SVEP1: variants seen among roughly 807,000 people sequenced by gnomAD.
SVEP1 encodes the protein sushi, von Willebrand factor type A, EGF and pentraxin domain containing 1.
In SVEP1, 164 loss-of-function variants were observed where a neutral mutation model predicts 367.3. That is an observed-to-expected ratio of 0.45 (90% CI 0.39 to 0.51). The LOEUF (loss-of-function observed/expected upper bound fraction) is 0.51, where lower values mean the gene tolerates loss of function less well. SVEP1 is among the 20% of genes least tolerant of loss of function. The pLI is 0.00. For synonymous variants in SVEP1, 1,666 were observed against 1,611.6 expected (o/e 1.03, Z -0.81); for missense variants, 4,117 against 4,425.3 (o/e 0.93, Z 1.98).
intron 4 of SVEP1, 59 bp from the exon 5 acceptor site, chr9:110,513,164 C>CT (rs371135144): frequency 0.07 from 73,610 of 1,044,730 alleles, no homozygotes; most frequent in South Asian, 0.085. Flanking sequence ...ATGACATATC[C>CT]TTTTTTTTTT....
intron 5 of SVEP1, 62 bp downstream of exon 5, chr9:110,512,864 G>A: frequency 6.3e-7 from 1 of 1,584,514 alleles, no homozygotes; most frequent in African/African-American, 1.3e-5. Context: ...GTTTACTAGA[G>A]TTTAAATCAA....
At position 110,579,692 on chromosome 9, in the gene SVEP1, GGACA is replaced by G; in HGVS notation, c.-153_-150del. ...TCAGCGCCCTTTCATCTGACACTGG[GGACA>G]GACACAATCCAGACTCCTCAGCAGC... On this transcript the variant is annotated 5_prime_UTR_variant, in exon 1 of 48. Coordinates refer to ENST00000374469, the MANE Select transcript of SVEP1 (RefSeq NM_153366.4). The surrounding 1 kb of genome is among the most constrained non-coding windows in gnomAD (Gnocchi z 5.3). 1.1e-6 allele frequency: 1 copy of G among 950,498 alleles called. No individual in the cohort carries two copies. Among genetic ancestry groups the G allele is most frequent in the Non-Finnish European group, 1.5e-6 (1 of 681,926 alleles). 58.9% of individuals were successfully genotyped at this position (950,498 alleles called of 1,614,324 possible).
At chr9:110,449,974 C>A in intron 24 of SVEP1, 85 bp downstream of exon 24, 1 of 1,466,678 alleles carries the variant, frequency 6.8e-7, no homozygotes, top group South Asian at 1.3e-5. Flanking sequence ...ACTTGAGACT[C>A]AAAGCAATAC....
intron 39 of SVEP1, among the ~76,000 whole-genome samples, chr9:110,401,531 T>TTATA (rs558848264): frequency 1.4e-4 from 20 of 147,472 alleles, no homozygotes; most frequent in African/African-American, 4.0e-4. Flanking sequence ...AGAAAAAAAT[T>TTATA]TATATATATA....
At chr9:110,573,803 GAACA>G (rs2118888123) in intron 1 of SVEP1, among the ~76,000 whole-genome samples, 1 of 152,272 alleles carries the variant, frequency 6.6e-6, no homozygotes, top group East Asian at 1.9e-4. Flanking sequence ...TACTCACCCA[GAACA>G]AACAGCTGAA....
intron 1 of SVEP1, among the ~76,000 whole-genome samples, chr9:110,576,368 A>T (rs1353506516): frequency 6.6e-6 from 1 of 152,168 alleles, no homozygotes; most frequent in East Asian, 1.9e-4. Context: ...TACAAAGTCA[A>T]ATTACAAGAG....
rs778561103 is a variant in SVEP1, at chr9:110,387,284, C to T, written c.10060+1G>A. 3.8e-6 allele frequency: 6 copies of T among 1,585,854 alleles called. No homozygotes were observed. Among genetic ancestry groups the T allele is most frequent in the South Asian group, 1.2e-5 (1 of 85,554 alleles). On this transcript the variant is annotated splice_donor_variant, in intron 42 of 47. Transcript: ENST00000374469. LOFTEE classifies it high-confidence loss of function. The stretch of plus-strand genomic sequence containing the variant: ...AAATTTCTCCTAAAGGCAACACACA[C>T]GTTTGCAGAGAGGGACTGGGTGGCT...
intron 15 of SVEP1, among the ~76,000 whole-genome samples, chr9:110,471,860 C>T (rs1410987343): frequency 6.6e-6 from 1 of 152,058 alleles, no homozygotes; most frequent in Non-Finnish European, 1.5e-5. Flanking sequence ...TCTATATCAC[C>T]TTTTTTGGGA....
intron 3 of SVEP1, among the ~76,000 whole-genome samples, chr9:110,528,785 A>G (rs1018566453): frequency 6.6e-6 from 1 of 151,626 alleles, no homozygotes; most frequent in African/African-American, 2.4e-5. Context: ...TATTATTATT[A>G]TGGCTATGCA....
At chr9:110,443,454 C>A (rs1245117237) in intron 27 of SVEP1, 91 bp downstream of exon 27, 4 of 1,149,230 alleles carry the variant, frequency 3.5e-6, no homozygotes, top group South Asian at 2.9e-5. Context: ...TGTTTGAAAC[C>A]AAGAACAACA....
chr9:110,504,211 C>A (rs1238021187), intron 5 of SVEP1, among the ~76,000 whole-genome samples: 1 of 131,290 alleles, frequency 7.6e-6, no homozygotes, highest in Non-Finnish European at 1.6e-5. Context: ...CCCTCTACCA[C>A]GCCCGGCTAT....
At chr9:110,545,845 C>A (rs1830213897) in intron 3 of SVEP1, among the ~76,000 whole-genome samples, 2 of 152,136 alleles carry the variant, frequency 1.3e-5, no homozygotes, top group African/African-American at 2.4e-5. Context: ...TAAAGGACAG[C>A]CTTGTTGTCC....
intron 6 of SVEP1, 130 bp downstream of exon 6, chr9:110,502,908 A>C: frequency 1.1e-6 from 1 of 886,090 alleles, no homozygotes; most frequent in Non-Finnish European, 1.6e-6. Flanking sequence ...TAACACCTGC[A>C]CCTGTACATG....
chr9:110,526,222 CAT>C (rs1301432508), intron 3 of SVEP1, among the ~76,000 whole-genome samples: 1 of 151,944 alleles, frequency 6.6e-6, no homozygotes, highest in East Asian at 1.9e-4. Context: ...AAAAGCCTCT[CAT>C]AGAAGAACTA....
At chr9:110,449,004 G>T (rs1412102293) in intron 24 of SVEP1, among the ~76,000 whole-genome samples, 4 of 152,066 alleles carry the variant, frequency 2.6e-5, no homozygotes, top group Non-Finnish European at 4.4e-5. Flanking sequence ...TTTCTTTTTG[G>T]TTTTTACTTT....
intron 9 of SVEP1, 97 bp downstream of exon 9, chr9:110,489,553 A>T: frequency 8.4e-7 from 1 of 1,190,592 alleles, no homozygotes; most frequent in South Asian, 1.6e-5. Context: ...TGATTCAATT[A>T]CCTCCCACTG....
intron 1 of SVEP1, among the ~76,000 whole-genome samples, chr9:110,555,773 G>T (rs1047390845): frequency 1.3e-5 from 2 of 152,054 alleles, no homozygotes; most frequent in African/African-American, 2.4e-5. Context: ...GCACTTTAAG[G>T]ATAGAGGAGG....
intron 10 of SVEP1, among the ~76,000 whole-genome samples, 185 bp downstream of exon 10, chr9:110,483,401 G>C (rs1302474896): frequency 6.6e-6 from 1 of 152,204 alleles, no homozygotes; most frequent in Non-Finnish European, 1.5e-5. Flanking sequence ...AACTCTCATT[G>C]ATAGGTAAGA....
intron 27 of SVEP1, chr9:110,442,357 A>G (rs1828521554): frequency 6.6e-6 from 1 of 152,192 alleles, no homozygotes; most frequent in African/African-American, 2.4e-5. Flanking sequence ...AGTGCTTAGG[A>G]CGTATTCTTT....
Sources: allele counts gnomAD v4.1 joint callset (sites outside exome capture counted in the v4.1 genomes callset), GRCh38; gene constraint gnomAD v4.1.1; non-coding constraint Gnocchi (gnomAD v3.1); transcripts MANE v1.5; gene names NCBI Gene and HGNC (gene_info 2026-07-23, HGNC 2026-07-21).